KAZALD1: variants seen among roughly 807,000 people sequenced by gnomAD.
KAZALD1 encodes kazal-type serine protease inhibitor domain-containing protein 1.
Under a neutral mutation model 27.7 loss-of-function variants are expected in KAZALD1, and 31 were observed. The ratio of observed to expected loss-of-function variants is 1.12; its 90% CI spans 0.84 to 1.51. KAZALD1 has a LOEUF of 1.51. KAZALD1 is among the 40% of genes most tolerant of loss of function. The pLI, the probability that KAZALD1 is intolerant of heterozygous loss-of-function variation, is 0.00. For synonymous variants in KAZALD1, 179 were observed against 182.0 expected (o/e 0.98, Z 0.13); for missense variants, 444 against 408.9 (o/e 1.09, Z -0.74).
chr10:101,063,231 G>A (rs905132564), intron 2 of KAZALD1, 128 bp downstream of exon 2: 52 of 786,448 alleles, frequency 6.6e-5, no homozygotes, highest in Non-Finnish European at 8.9e-5. Context: ...CTCGAGTCCA[G>A]TATAAAACCC....
chr10:101,063,117 G>C lies in KAZALD1; in HGVS notation c.511+14G>C. Reference sequence around the variant, plus strand: ...CCTGCGAATCGGGTACGCATGGCCCGGGGCCCCCACCCCAGCACTTAGGTT... The same window carrying C: ...CCTGCGAATCGGGTACGCATGGCCCCGGGCCCCCACCCCAGCACTTAGGTT... On this transcript the variant is annotated intron_variant, in intron 2 of 4. Transcript: ENST00000370200. 6.6e-7 allele frequency: 1 copy of C among 1,522,192 alleles called. No individual in the cohort carries two copies. The highest frequency in any genetic ancestry group is 1.2e-5 in the South Asian group (1 of 80,118). 94.3% of individuals were successfully genotyped at this position (1,522,192 alleles called of 1,614,324 possible).
At chr10:101,063,474 G>A (rs185960288) in intron 2 of KAZALD1, among the ~76,000 whole-genome samples, 15 of 152,324 alleles carry the variant, frequency 9.8e-5, no homozygotes, top group African/African-American at 3.4e-4. Flanking sequence ...AGCAAGACGG[G>A]TTCCTGTGAG....
rs1003673278 is a variant in KAZALD1 at position 101,066,167 on chromosome 10, A to G, written c.*1247A>G. 6.1e-6 allele frequency: 2 copies of G among 329,860 alleles called. No individual in the cohort carries two copies. Among genetic ancestry groups the G allele is most frequent in the Non-Finnish European group, 1.2e-5 (2 of 165,910 alleles). 20.4% of individuals were successfully genotyped at this position (329,860 alleles called of 1,614,324 possible). A position where few individuals can be genotyped will look rare whatever the true frequency, so the allele number is the denominator to read the frequency against. On this transcript the variant is annotated 3_prime_UTR_variant, in exon 5 of 5. Transcript: ENST00000370200. ...GATTGGAGGAAAGAATGAAAGCATAAGTCAGCGAGGCCGAGGCGCTGTGTG... is the reference window on the plus strand; with the variant it reads ...GATTGGAGGAAAGAATGAAAGCATAGGTCAGCGAGGCCGAGGCGCTGTGTG...
Position 101,066,846 on chromosome 10 carries a change from G to A in KAZALD1, c.*1926G>A. 1 of 319,750 alleles carries A rather than the reference G, an allele frequency of 3.1e-6. No individual in the cohort carries two copies. The highest frequency in any genetic ancestry group is 2.2e-5 in the African/African-American group (1 of 45,900). The allele number at this position is 319,750 out of a possible 1,614,324, so 19.8% of individuals were successfully genotyped here. ...GTAGGTGTTCAGGAGCAGCCTCCTA[G>A]CAGCCTCAGTTTTCCCCTCCCCGCC... On this transcript the variant is annotated 3_prime_UTR_variant, in exon 5 of 5. Transcript: ENST00000370200.
Position 101,064,901 on chromosome 10 carries a change from A to G in KAZALD1, c.896A>G (p.Glu299Gly), listed in dbSNP as rs1369957627. ...CCTGAGGAGGAGGCTGAGAGTGAAG[A>G]GAATGACGATTACTACTAGGTCCAG... ...LVPEEEAESE[E>G]NDDYY The change falls in exon 5 of 5, where the codon GAG becomes GGG. Residue 299 changes from glutamate (E) to glycine (G), a missense_variant. By Grantham distance (98) the Glu-to-Gly change is moderately conservative. Transcript: ENST00000370200. 5.0e-6 allele frequency: 8 copies of G among 1,613,590 alleles called. No homozygotes were observed. The Admixed American group carries it at 8.3e-5, about 17-fold the overall frequency.
At chr10:101,067,419 G>T, downstream of KAZALD1, 2 of 418,890 alleles carry the variant, frequency 4.8e-6, no homozygotes, top group Admixed American at 5.0e-5. Context: ...GAGATCCGGA[G>T]TCCGGACAAA....
Position 101,064,748 on chromosome 10 carries a change from C to T in KAZALD1, c.821-78C>T. 2.5e-6 allele frequency: 4 copies of T among 1,600,090 alleles called. No individual in the cohort carries two copies. The South Asian group carries it at 4.4e-5, about 18-fold the overall frequency. On this transcript the variant is annotated intron_variant, in intron 4 of 4. Transcript: ENST00000370200. ...CATGTGTCTGTATACACAAGCATAG[C>T]CTTCCGCAGACTGGGCTATGTGGGC...
intron 1 of KAZALD1, 96 bp from the exon 2 acceptor site, chr10:101,062,446 A>G: frequency 8.0e-7 from 1 of 1,246,288 alleles, no homozygotes. Flanking sequence ...GGAGGGGGCG[A>G]TGCTAGTGTC....
downstream of KAZALD1, chr10:101,068,048 T>A: frequency 4.2e-6 from 2 of 471,426 alleles, no homozygotes; most frequent in Non-Finnish European, 4.4e-6. Flanking sequence ...TGGATCCTTC[T>A]GGTAGTGACA....
At chr10:101,062,462 TTGGTA>T in intron 1 of KAZALD1, 75 bp from the exon 2 acceptor site, 1 of 1,382,226 alleles carries the variant, frequency 7.2e-7, no homozygotes, top group Non-Finnish European at 9.6e-7. Flanking sequence ...GTGTCATGCT[TTGGTA>T]CAAGAAGCAG....
rs1273972069 is a variant in KAZALD1, at chr10:101,062,076, G to C, written c.-91G>C. ...TTCCATAACCTTTTCTTTCGGACTCGAATCACGGCTGCTGCGAAGGGTCTA... is the reference window on the plus strand; with the variant it reads ...TTCCATAACCTTTTCTTTCGGACTCCAATCACGGCTGCTGCGAAGGGTCTA... On this transcript the variant is annotated 5_prime_UTR_variant, in exon 1 of 5. Coordinates refer to ENST00000370200, the MANE Select transcript of KAZALD1 (RefSeq NM_030929.5). 6.4e-6 allele frequency: 1 copy of C among 155,862 alleles called. No homozygotes were observed. Among genetic ancestry groups the C allele is most frequent in the African/African-American group, 2.4e-5 (1 of 41,550 alleles). 9.7% of individuals were successfully genotyped at this position (155,862 alleles called of 1,614,324 possible).
At position 101,066,808 on chromosome 10, in the gene KAZALD1, G is replaced by C. The variant is rs989937466; in HGVS notation, c.*1888G>C. ...CGGGGAATCCGCACTCCTTAATCGC[G>C]TTAGCCGACTTTGTAGGTGTTCAGG... On this transcript the variant is annotated 3_prime_UTR_variant, in exon 5 of 5. Coordinates refer to ENST00000370200, the MANE Select transcript of KAZALD1 (RefSeq NM_030929.5). 2.4e-5 allele frequency: 8 copies of C among 330,644 alleles called. No individual in the cohort carries two copies. The highest frequency in any genetic ancestry group is 4.7e-5 in the Non-Finnish European group (8 of 169,086). 20.5% of individuals were successfully genotyped at this position (330,644 alleles called of 1,614,324 possible). A position where few individuals can be genotyped will look rare whatever the true frequency, so the allele number is the denominator to read the frequency against.
At chr10:101,063,126 A>G (rs918622781) in intron 2 of KAZALD1, 23 bp downstream of exon 2, 8 of 1,506,464 alleles carry the variant, frequency 5.3e-6, no homozygotes, top group Non-Finnish European at 7.1e-6. Flanking sequence ...CGGGGCCCCC[A>G]CCCCAGCACT....
At position 101,064,859 on chromosome 10, in the gene KAZALD1, G is replaced by C. The variant is rs368900664; in HGVS notation, c.854G>C (p.Arg285Pro). 6 of 1,614,032 alleles carry C rather than the reference G, an allele frequency of 3.7e-6. No individual in the cohort carries two copies. The East Asian group carries it at 1.3e-4, about 36-fold the overall frequency. ...QLNSTGIPQL[R>P]SLNLVPEEEA... ...AACTCTACAGGCATCCCCCAGCTGC[G>C]ATCACTAAACCTGGTTCCTGAGGAG... The change falls in exon 5 of 5, where the codon CGA becomes CCA. Residue 285 changes from arginine to proline, a missense_variant. Physicochemically the swap from Arg to Pro is moderately radical, Grantham distance 103. Coordinates refer to ENST00000370200, the MANE Select transcript of KAZALD1 (RefSeq NM_030929.5).
rs1258769355 is a variant in KAZALD1 at position 101,064,620 on chromosome 10, C to A, written c.792C>A (p.Ala264=). Residue 264 remains alanine, a synonymous_variant, in exon 4 of 5, where the codon GCC becomes GCA. Coordinates refer to ENST00000370200, the MANE Select transcript of KAZALD1 (RefSeq NM_030929.5). ...LGRNALGQVE[A]PASLTVLTPD... is the part of the protein sequence containing the mutation. ...GCAATGCCCTGGGTCAAGTGGAGGC[C>A]CCTGCTAGCTTGACAGTGCTCACAC... The A allele has an allele frequency of 6.2e-7, 1 of 1,613,638 alleles. No individual in the cohort carries two copies. The highest frequency in any genetic ancestry group is 1.7e-5 in the Admixed American group (1 of 60,006).
chr10:101,068,078 C>T (rs1423057798), downstream of KAZALD1: 1 of 445,178 alleles, frequency 2.2e-6, no homozygotes, highest in Non-Finnish European at 4.7e-6. Flanking sequence ...GGGCCAGGGG[C>T]CTTGAGACAA....
In KAZALD1 at chr10:101,062,894, A is replaced by C; in HGVS notation, c.302A>C (p.His101Pro). The C allele has an allele frequency of 6.2e-7, 1 of 1,603,410 alleles. No homozygotes were observed. Among genetic ancestry groups the C allele is most frequent in the Non-Finnish European group, 8.5e-7 (1 of 1,179,708 alleles). Residue 101 changes from histidine (H) to proline (P), a missense_variant, in exon 2 of 5, where the codon CAC becomes CCC. Physicochemically the swap from His to Pro is moderately conservative, Grantham distance 77. Transcript: ENST00000370200. ...DLDPSAHFYG[H>P]CGEQLECRLD... ...GACCCCAGTGCTCACTTCTACGGGC[A>C]CTGCGGCGAGCAGCTTGAGTGCCGG... is the stretch of plus-strand genomic sequence containing the variant.
Position 101,066,520 on chromosome 10 carries a change from A to G in KAZALD1, c.*1600A>G, listed in dbSNP as rs1939326469. 6.8e-6 allele frequency: 3 copies of G among 444,280 alleles called. No homozygotes were observed. The highest frequency in any genetic ancestry group is 9.2e-6 in the Non-Finnish European group (2 of 216,924). 27.5% of individuals were successfully genotyped at this position (444,280 alleles called of 1,614,324 possible). On this transcript the variant is annotated 3_prime_UTR_variant, in exon 5 of 5. Coordinates refer to ENST00000370200, the MANE Select transcript of KAZALD1 (RefSeq NM_030929.5). ...GGGCTGGATACCGGGAGCCGATTCCAGGGCGCCCACAGAAGCAGAATCAGA... is the reference window on the plus strand; with the variant it reads ...GGGCTGGATACCGGGAGCCGATTCCGGGGCGCCCACAGAAGCAGAATCAGA...
chr10:101,064,806 T>C lies in KAZALD1; in HGVS notation c.821-20T>C. 6.2e-7 allele frequency: 1 copy of C among 1,612,742 alleles called. No homozygotes were observed. The highest frequency in any genetic ancestry group is 8.5e-7 in the Non-Finnish European group (1 of 1,178,770). On this transcript the variant is annotated intron_variant, in intron 4 of 4. Coordinates refer to ENST00000370200, the MANE Select transcript of KAZALD1 (RefSeq NM_030929.5). ...GCCCCTCTCTCCTGTTCTCTCTTCT[T>C]TGCCCATGTGTGTTTGCAGACCAGC...
Sources: allele counts gnomAD v4.1 joint callset (sites outside exome capture counted in the v4.1 genomes callset), GRCh38; gene constraint gnomAD v4.1.1; transcripts MANE v1.5; gene names NCBI Gene and HGNC (gene_info 2026-07-23, HGNC 2026-07-21).